TMPRSS15: variants seen among roughly 807,000 people sequenced by gnomAD.
TMPRSS15 encodes the protein transmembrane serine protease 15, also known as enteropeptidase.
TMPRSS15 carries 128 observed loss-of-function variants against 125.3 expected under a neutral mutation model. The ratio of observed to expected loss-of-function variants is 1.02; its 90% CI spans 0.89 to 1.18. The LOEUF (loss-of-function observed/expected upper bound fraction) is 1.18, where lower values mean the gene tolerates loss of function less well. TMPRSS15 is among the 50% of genes most tolerant of loss of function. TMPRSS15 has a pLI of 0.00. For missense variants in TMPRSS15, 1,283 were observed against 1,212.7 expected (o/e 1.06, Z -0.86); for synonymous variants, 446 against 423.2 (o/e 1.05, Z -0.66).
chr21:18,427,575 A>T (rs1300667572), intron 1 of TMPRSS15, among the ~76,000 whole-genome samples: 3 of 152,308 alleles, frequency 2.0e-5, no homozygotes, highest in Non-Finnish European at 4.4e-5. Flanking sequence ...CTACTTCACC[A>T]TCTGAAATAG....
chr21:18,327,571 C>T (rs1243013937), intron 15 of TMPRSS15, among the ~76,000 whole-genome samples: 1 of 152,214 alleles, frequency 6.6e-6, no homozygotes, highest in Middle Eastern at 3.4e-3. Context: ...GAACCCTCCC[C>T]ACCACACTGT....
chr21:18,365,021 T>G (rs1211461784), intron 7 of TMPRSS15, 119 bp downstream of exon 7: 4 of 824,246 alleles, frequency 4.9e-6, no homozygotes, highest in Non-Finnish European at 8.0e-6. Context: ...AGTTGGGAGG[T>G]TTTTGCTTCA....
chr21:18,431,440 C>T (rs1841997028), intron 1 of TMPRSS15, among the ~76,000 whole-genome samples: 1 of 151,994 alleles, frequency 6.6e-6, no homozygotes, highest in Non-Finnish European at 1.5e-5. Context: ...TTCTGTTTTC[C>T]ATTGAAACTT....
intron 18 of TMPRSS15, among the ~76,000 whole-genome samples, chr21:18,300,235 T>C (rs2074953829): frequency 6.6e-6 from 1 of 152,012 alleles, no homozygotes; most frequent in Non-Finnish European, 1.5e-5. Context: ...TTTCTTTCTT[T>C]CTTTCTTTGT....
intron 1 of TMPRSS15, among the ~76,000 whole-genome samples, chr21:18,409,869 C>T (rs1411288476): frequency 3.7e-5 from 4 of 108,326 alleles, no homozygotes; most frequent in Non-Finnish European, 7.7e-5. Context: ...TCCCTCCCTC[C>T]CTCCCTTCCC....
At chr21:18,311,937 T>G (rs1601316315) in intron 18 of TMPRSS15, among the ~76,000 whole-genome samples, 1 of 152,308 alleles carries the variant, frequency 6.6e-6, no homozygotes, top group East Asian at 1.9e-4. Context: ...ATATATAATG[T>G]ATTGCTTAAG....
intron 5 of TMPRSS15, among the ~76,000 whole-genome samples, chr21:18,374,479 CAAAAAAAAAAAAA>C (rs1165884199): frequency 3.3e-5 from 2 of 59,904 alleles, no homozygotes; most frequent in Non-Finnish European, 5.5e-5. Flanking sequence ...GACTCCGTCT[CAAAAAAAAAAAAA>C]AAAAAAAAAA....
At chr21:18,399,095 T>C (rs2076070119) in intron 1 of TMPRSS15, among the ~76,000 whole-genome samples, 1 of 152,186 alleles carries the variant, frequency 6.6e-6, no homozygotes, top group Non-Finnish European at 1.5e-5. Flanking sequence ...TTGCTTCAAC[T>C]GAAACTCACA....
chr21:18,294,367 G>C lies in TMPRSS15; in HGVS notation c.2389C>G (p.Pro797Ala), dbSNP rs1195395743. 1 of 1,614,126 alleles carries C rather than the reference G, an allele frequency of 6.2e-7. No homozygotes were observed. Among genetic ancestry groups the C allele is most frequent in the East Asian group, 2.2e-5 (1 of 44,894 alleles). The change falls in exon 21 of 25, where the codon CCC (proline) becomes GCC (alanine). Residue 797 changes from proline to alanine, a missense_variant. Physicochemically the swap from Pro to Ala is conservative, Grantham distance 27 (BLOSUM62 -1). Transcript: ENST00000284885. Reference sequence around the variant, plus strand: ...CCATAATACAGACCCACAACCCAGGGCCAGGCCCCTTCTTTGGCATTACTT... The same window carrying C: ...CCATAATACAGACCCACAACCCAGGCCCAGGCCCCTTCTTTGGCATTACTT... ...GGSNAKEGAW[P>A]WVVGLYYGGR...
At chr21:18,321,688 A>G (rs976680048) in intron 16 of TMPRSS15, among the ~76,000 whole-genome samples, 2 of 152,100 alleles carry the variant, frequency 1.3e-5, no homozygotes, top group African/African-American at 4.8e-5. Flanking sequence ...AATTTTTTCT[A>G]AAAGAACCAC....
rs201804900 is a variant in TMPRSS15 at position 18,308,382 on chromosome 21, C to CAG, written c.2165+4562_2165+4563insCT. ...ACTGTAGAATAAAAAGAATTACACA[C>CAG]ACACACACACACACACACACACATT... On this transcript the variant is annotated intron_variant, in intron 18 of 24. Coordinates refer to ENST00000284885, the MANE Select transcript of TMPRSS15 (RefSeq NM_002772.3). Among the ~76,000 whole-genome samples, 706 of 150,632 alleles carry CAG rather than the reference C, an allele frequency of 4.7e-3. 7 individuals carry two copies. The highest frequency in any genetic ancestry group is 5.5e-3 in the African/African-American group (227 of 41,062).
chr21:18,388,038 C>G (rs1434387923), intron 3 of TMPRSS15, among the ~76,000 whole-genome samples: 2 of 152,096 alleles, frequency 1.3e-5, no homozygotes, highest in African/African-American at 4.8e-5. Flanking sequence ...TTGTTACTCT[C>G]TCTCCTGCTC....
intron 18 of TMPRSS15, among the ~76,000 whole-genome samples, chr21:18,307,981 C>T (rs566232569): frequency 3.3e-5 from 5 of 152,220 alleles, no homozygotes; most frequent in African/African-American, 1.2e-4. Context: ...CAAATCTGGG[C>T]AGGGAAAGCC....
At chr21:18,436,980 A>G (rs929247866) in intron 1 of TMPRSS15, among the ~76,000 whole-genome samples, 2 of 139,698 alleles carry the variant, frequency 1.4e-5, no homozygotes, top group Non-Finnish European at 3.1e-5. Context: ...ACTACTTTAA[A>G]GTTCATATGG....
intron 1 of TMPRSS15, among the ~76,000 whole-genome samples, chr21:18,468,184 T>C (rs1978704839): frequency 6.6e-6 from 1 of 152,170 alleles, no homozygotes; most frequent in Admixed American, 6.6e-5. Flanking sequence ...ACAATGACTA[T>C]TGACCATCCC....
intron 1 of TMPRSS15, among the ~76,000 whole-genome samples, chr21:18,485,361 G>C (rs944816765): frequency 2.0e-5 from 3 of 151,744 alleles, no homozygotes; most frequent in African/African-American, 7.3e-5. Flanking sequence ...TAGAAAAGAC[G>C]AGGTGATAGT....
chr21:18,405,917 C>CT (rs1237465479), upstream of TMPRSS15, among the ~76,000 whole-genome samples: 2 of 152,032 alleles, frequency 1.3e-5, no homozygotes, highest in Admixed American at 6.6e-5. Flanking sequence ...ACTGACTTTT[C>CT]TTTTTTTAAA....
chr21:18,358,723 C>T (rs1242500307), intron 8 of TMPRSS15, among the ~76,000 whole-genome samples: 2 of 151,858 alleles, frequency 1.3e-5, no homozygotes, highest in African/African-American at 2.4e-5. Flanking sequence ...TTTTACTGTT[C>T]TGTAAAACAT....
intron 10 of TMPRSS15, 60 bp downstream of exon 10, chr21:18,352,843 C>G: frequency 3.2e-6 from 5 of 1,563,294 alleles, no homozygotes; most frequent in Non-Finnish European, 4.4e-6. Context: ...CAACACATAC[C>G]TCTTTCCTTT....
Sources: gnomAD v4.1 joint callset for allele counts (sites outside exome capture counted in the v4.1 genomes callset) on GRCh38, gnomAD v4.1.1 for gene constraint, MANE v1.5 for transcripts, NCBI Gene and HGNC (gene_info 2026-07-23, HGNC 2026-07-21) for gene names.